NABP1: variants seen among roughly 807,000 people sequenced by gnomAD.
NABP1 encodes nucleic acid binding protein 1.
Under a neutral mutation model 25.0 loss-of-function variants are expected in NABP1, and 18 were observed. That is an observed-to-expected ratio of 0.72 (90% confidence interval 0.50 to 1.07). NABP1 has a LOEUF of 1.07. Ranked by LOEUF, NABP1 falls within the 50% of genes least tolerant of loss-of-function variation. The pLI is 0.00. For synonymous variants in NABP1, 71 were observed against 85.0 expected, an observed-to-expected ratio of 0.84 and a Z score of 0.91; for missense variants, 270 against 255.6, an observed-to-expected ratio of 1.06 and a Z score of -0.39.
At chr2:191,678,801 C>CAACCA in intron 1 of NABP1, 96 bp downstream of exon 1, 1 of 1,180,250 alleles carries the variant, frequency 8.5e-7, no homozygotes, top group Non-Finnish European at 1.2e-6. Context: ...TCCCCTCCTC[C>CAACCA]TCCCTCCCCT....
chr2:191,679,490 C>T (rs993584833), intron 2 of NABP1, among the ~76,000 whole-genome samples: 9 of 152,198 alleles, frequency 5.9e-5, no homozygotes, highest in African/African-American at 1.9e-4. Context: ...GATTCTCGTG[C>T]CTCAGCCTCC....
In NABP1 at chr2:191,681,969, G is replaced by A. The variant is rs1029763540; in HGVS notation, c.254G>A (p.Cys85Tyr). The change falls in exon 3 of 6, where the codon TGT becomes TAT. Residue 85 changes from cysteine to tyrosine, a missense_variant. By Grantham distance (194) the Cys-to-Tyr change is radical. Transcript: ENST00000425611. ...AGGTATGCATCCATGTGGAAAGGATGTCTGACACTTTATACTGGAAGGGGT... is the reference window on the plus strand; with the variant it reads ...AGGTATGCATCCATGTGGAAAGGATATCTGACACTTTATACTGGAAGGGGT... ...TRGYASMWKG[C>Y]LTLYTGRGGE... 3.3e-6 allele frequency: 5 copies of A among 1,517,900 alleles called. No homozygotes were observed. Among genetic ancestry groups the A allele is most frequent in the Non-Finnish European group, 4.4e-6 (5 of 1,138,638 alleles). The allele number at this position is 1,517,900 out of a possible 1,614,324, so 94.0% of individuals were successfully genotyped here.
chr2:191,684,340 A>C, intron 5 of NABP1, 44 bp downstream of exon 5: 5 of 1,359,432 alleles, frequency 3.7e-6, no homozygotes, highest in Non-Finnish European at 4.9e-6. Context: ...AGGTATAAGA[A>C]TGAAGAGAGC....
Position 191,679,051 on chromosome 2 carries a change from G to C in NABP1, c.153G>C (p.Thr51=). Residue 51 remains threonine (T), a synonymous_variant, in exon 2 of 6, where the codon ACG becomes ACC. Transcript: ENST00000425611. ...GATCGTGCAAAGTAGCAGATAAAACGGGCAGCATCACTATTTCCGTGTGGG... is the reference window on the plus strand; with the variant it reads ...GATCGTGCAAAGTAGCAGATAAAACCGGCAGCATCACTATTTCCGTGTGGG... The part of the protein sequence containing the change: ...EVRSCKVADK[T]GSITISVWDE... 6.2e-7 allele frequency: 1 copy of C among 1,614,166 alleles called. No individual in the cohort carries two copies. The highest frequency in any genetic ancestry group is 8.5e-7 in the Non-Finnish European group (1 of 1,180,032).
At chr2:191,682,392 A>G (rs533415411) in intron 3 of NABP1, 4 of 387,290 alleles carry the variant, frequency 1.0e-5, no homozygotes, top group South Asian at 3.9e-5. Flanking sequence ...GTTTCAGGCC[A>G]TAAGTTTAAA....
intron 5 of NABP1, among the ~76,000 whole-genome samples, 200 bp from the exon 6 acceptor site, chr2:191,685,399 A>G (rs1260899997): frequency 6.6e-6 from 1 of 151,682 alleles, no homozygotes; most frequent in Non-Finnish European, 1.5e-5. Context: ...TTTTCTCTCT[A>G]TTAATACAGC....
chr2:191,683,854 A>T lies in NABP1; in HGVS notation c.378+50A>T. 1 of 1,380,586 alleles carries T rather than the reference A, an allele frequency of 7.2e-7. No individual in the cohort carries two copies. The highest frequency in any genetic ancestry group is 1.0e-6 in the Non-Finnish European group (1 of 985,344). 85.5% of individuals were successfully genotyped at this position (1,380,586 alleles called of 1,614,324 possible). A position where few individuals can be genotyped will look rare whatever the true frequency, so the allele number is the denominator to read the frequency against. ...ATTAGGCTAATTTTGACTGTGTTATAATTCTATGATTAGGCTAGCCCTGTT... is the reference window on the plus strand; with the variant it reads ...ATTAGGCTAATTTTGACTGTGTTATTATTCTATGATTAGGCTAGCCCTGTT... On this transcript the variant is annotated intron_variant, in intron 4 of 5. Transcript: ENST00000425611. This position sits in a 1 kb window ranked among gnomAD's most constrained non-coding sequence, Gnocchi z 4.1.
At chr2:191,680,109 A>G (rs1428457799) in intron 2 of NABP1, among the ~76,000 whole-genome samples, 2 of 152,322 alleles carry the variant, frequency 1.3e-5, no homozygotes, top group East Asian at 1.9e-4. Context: ...AAAAAATACT[A>G]GAACTTTTTT....
At chr2:191,678,879 C>T (rs1282537126) in intron 1 of NABP1, 111 bp from the exon 2 acceptor site, 20 of 1,402,360 alleles carry the variant, frequency 1.4e-5, no homozygotes, top group Non-Finnish European at 1.9e-5. Flanking sequence ...GAGCCCTGGG[C>T]TTGGTCACTT....
rs972199233 is a variant in NABP1, at chr2:191,685,847, C to T, written c.*79C>T. 2 of 1,362,602 alleles carry T rather than the reference C, an allele frequency of 1.5e-6. No individual in the cohort carries two copies. The highest frequency in any genetic ancestry group is 2.0e-6 in the Non-Finnish European group (2 of 982,678). The allele number at this position is 1,362,602 out of a possible 1,614,324, so 84.4% of individuals were successfully genotyped here. A position where few individuals can be genotyped will look rare whatever the true frequency, so the allele number is the denominator to read the frequency against. ...TTATTGCACTTTTATTTATTGTTAA[C>T]TGTGAAAAGTACGTCCTTTATTGGG... is the stretch of plus-strand genomic sequence containing the variant. On this transcript the variant is annotated 3_prime_UTR_variant, in exon 6 of 6. Coordinates refer to ENST00000425611, the MANE Select transcript of NABP1 (RefSeq NM_001031716.5).
Position 191,686,317 on chromosome 2 carries a change from A to G in NABP1, c.*549A>G, listed in dbSNP as rs1393778986. 2 of 152,202 alleles carry G rather than the reference A, an allele frequency of 1.3e-5. No individual in the cohort carries two copies. The highest frequency in any genetic ancestry group is 3.4e-3 in the Middle Eastern group (1 of 294). 9.4% of individuals were successfully genotyped at this position (152,202 alleles called of 1,614,324 possible). ...CATCCCAAATTTTTGTTGTATTACC[A>G]AAAAAACAGATTCCTTATCAGAATT... On this transcript the variant is annotated 3_prime_UTR_variant, in exon 6 of 6. Transcript: ENST00000425611.
intron 1 of NABP1, 74 bp from the exon 2 acceptor site, chr2:191,678,916 C>T (rs1353327167): frequency 3.8e-6 from 6 of 1,594,234 alleles, no homozygotes; most frequent in South Asian, 1.1e-5. Flanking sequence ...ATTAAAATAC[C>T]GGAGGAGGAG....
intron 1 of NABP1, 26 bp downstream of exon 1, chr2:191,678,731 A>G: frequency 1.9e-6 from 3 of 1,588,928 alleles, no homozygotes; most frequent in Non-Finnish European, 2.6e-6. Flanking sequence ...AGCCTACTCC[A>G]CCGCCCGCTG....
In NABP1 at chr2:191,685,752, G is replaced by C; in HGVS notation, c.599G>C (p.Arg200Thr). 6.2e-7 allele frequency: 1 copy of C among 1,614,058 alleles called. No homozygotes were observed. Among genetic ancestry groups the C allele is most frequent in the Non-Finnish European group, 8.5e-7 (1 of 1,179,970 alleles). ...ATAAGTAATGGCAGGGACCCTCGGA[G>C]AGCCTTTAAAAGATGACCTATGCTA... The part of the protein sequence containing the change: ...TTISNGRDPR[R>T]AFKR The change falls in exon 6 of 6, where the codon AGA (arginine) becomes ACA (threonine). Residue 200 changes from arginine to threonine, a missense_variant. Physicochemically the swap from Arg to Thr is moderately conservative, Grantham distance 71 (BLOSUM62 -1). Transcript: ENST00000425611.
Position 191,683,698 on chromosome 2 carries a change from G to C in NABP1, c.303-31G>C, listed in dbSNP as rs1319859578. ...AAGGGTTGAGGACTTTATTTCAGAA[G>C]TCATTTAATTTTTTCTTTATTTTCT... On this transcript the variant is annotated intron_variant, in intron 3 of 5. Transcript: ENST00000425611. The surrounding 1 kb of genome is among the most constrained non-coding windows in gnomAD (Gnocchi z 4.1). 6.6e-7 allele frequency: 1 copy of C among 1,520,404 alleles called. No homozygotes were observed. The highest frequency in any genetic ancestry group is 1.7e-5 in the Admixed American group (1 of 58,776). The allele number at this position is 1,520,404 out of a possible 1,614,324, so 94.2% of individuals were successfully genotyped here.
At chr2:191,682,108 CT>C in intron 3 of NABP1, 91 bp downstream of exon 3, 1 of 697,224 alleles carries the variant, frequency 1.4e-6, no homozygotes, top group Non-Finnish European at 2.2e-6. Context: ...ACCTCTTTGG[CT>C]TTTTTGACTA....
intron 5 of NABP1, 126 bp from the exon 6 acceptor site, chr2:191,685,473 T>C (rs79038446): frequency 1.1e-6 from 1 of 872,644 alleles, no homozygotes; most frequent in East Asian, 2.7e-5. Flanking sequence ...GTTTTTTTTT[T>C]CTGTATAAAA....
chr2:191,685,251 C>G (rs1311639900), intron 5 of NABP1, among the ~76,000 whole-genome samples: 1 of 152,202 alleles, frequency 6.6e-6, no homozygotes, highest in Non-Finnish European at 1.5e-5. Context: ...GTTAGAATAA[C>G]ATTGTCTGTT....
intron 5 of NABP1, 142 bp downstream of exon 5, chr2:191,684,438 T>C: frequency 3.9e-6 from 2 of 509,920 alleles, no homozygotes; most frequent in South Asian, 1.1e-4. Context: ...CCCAAAGGGC[T>C]GATTTTCTAG....
Sources: gnomAD v4.1 joint callset for allele counts (sites outside exome capture counted in the v4.1 genomes callset) on GRCh38, gnomAD v4.1.1 for gene constraint, Gnocchi (gnomAD v3.1) non-coding constraint, MANE v1.5 for transcripts, NCBI Gene and HGNC (gene_info 2026-07-23, HGNC 2026-07-21) for gene names.